Variants in DOK5 observed in about 807,000 individuals in gnomAD.
DOK5 encodes the protein downstream of tyrosine kinase 5.
DOK5 carries 27 observed loss-of-function variants against 43.3 expected under a neutral mutation model. That is an observed-to-expected ratio of 0.62 (90% CI 0.46 to 0.86). The LOEUF (loss-of-function observed/expected upper bound fraction) is 0.86. Among genes scored for constraint, DOK5 ranks in the 40% least tolerant of loss-of-function variants. The probability of loss-of-function intolerance (pLI) is 0.00; values close to 1 mark genes in which losing one functional copy is unlikely to be tolerated. For synonymous variants in DOK5, 146 were observed against 140.1 expected (o/e 1.04, Z -0.30); for missense variants, 373 against 392.9 (o/e 0.95, Z 0.43).
At position 54,563,664 on chromosome 20, in the gene DOK5, GTTTTTTTT is replaced by G. The variant is rs76886127; in HGVS notation, c.174+8639_174+8646del. Reference sequence around the variant, plus strand: ...TGCTTTTCTCTTCTCTATTTGTCAGGTTTTTTTTTTTTTTTTTTTTTTACTTTCATGTT... The same window carrying G: ...TGCTTTTCTCTTCTCTATTTGTCAGGTTTTTTTTTTTTTTACTTTCATGTT... On this transcript the variant is annotated intron_variant, in intron 2 of 7. Coordinates refer to ENST00000262593, the MANE Select transcript of DOK5 (RefSeq NM_018431.5). 1.8e-4 allele frequency among the ~76,000 whole-genome samples: 21 copies of G among 114,354 alleles called. 1 individual carries two copies. Among genetic ancestry groups the G allele is most frequent in the Non-Finnish European group, 1.8e-5 (1 of 55,960 alleles). The allele number at this position is 114,354 out of a possible 152,430, so 75.0% of individuals were successfully genotyped here.
At chr20:54,499,663 G>A (rs956121181) in intron 1 of DOK5, among the ~76,000 whole-genome samples, 3 of 152,188 alleles carry the variant, frequency 2.0e-5, no homozygotes, top group Non-Finnish European at 4.4e-5. Flanking sequence ...CATTAGTAAG[G>A]TTAAGACACA....
At chr20:54,529,956 G>T (rs951987316) in intron 1 of DOK5, among the ~76,000 whole-genome samples, 2 of 152,268 alleles carry the variant, frequency 1.3e-5, no homozygotes, top group South Asian at 4.1e-4. Context: ...ACCACATTTT[G>T]TTTATCTATT....
intron 1 of DOK5, among the ~76,000 whole-genome samples, chr20:54,510,048 C>T (rs1292467428): frequency 6.6e-6 from 1 of 152,066 alleles, no homozygotes; most frequent in Non-Finnish European, 1.5e-5. Context: ...TAGCAAACCA[C>T]CATGGCACAC....
rs970838435 is a variant in DOK5 at position 54,609,833 on chromosome 20, GA to G, written c.600-546del. On this transcript the variant is annotated intron_variant, in intron 5 of 7. Coordinates refer to ENST00000262593, the MANE Select transcript of DOK5 (RefSeq NM_018431.5). ...TTAATTCAGCACAGTCATGCTCATT[GA>G]AAAAAAAATTAACTGCATTTGATCC... Among the ~76,000 whole-genome samples the G allele has an allele frequency of 5.3e-5, 8 of 151,356 alleles. No homozygotes were observed. The East Asian group carries it at 7.7e-4, about 15-fold the overall frequency.
intron 7 of DOK5, among the ~76,000 whole-genome samples, chr20:54,646,892 CT>C (rs11483952): frequency 0.19 from 25,598 of 137,942 alleles, 5,684 homozygotes; most frequent in African/African-American, 0.54. Flanking sequence ...GAATTTCAGG[CT>C]TTTTTTTTTT....
At position 54,650,587 on chromosome 20, in the gene DOK5, A is replaced by T; in HGVS notation, c.*108A>T. The T allele has an allele frequency of 2.0e-6, 2 of 1,023,742 alleles. No individual in the cohort carries two copies. Among genetic ancestry groups the T allele is most frequent in the South Asian group, 2.9e-5 (2 of 70,154 alleles). The allele number at this position is 1,023,742 out of a possible 1,614,324, so 63.4% of individuals were successfully genotyped here. Reference sequence around the variant, plus strand: ...AAATGACGACCAAGAGAAGAAGCTTAAAGTCCTGGCTAATTGTGTGGTCAT... The same window carrying T: ...AAATGACGACCAAGAGAAGAAGCTTTAAGTCCTGGCTAATTGTGTGGTCAT... On this transcript the variant is annotated 3_prime_UTR_variant, in exon 8 of 8. Transcript: ENST00000262593.
chr20:54,492,686 T>TTGTGTGTG (rs34741362), intron 1 of DOK5, among the ~76,000 whole-genome samples: 2,859 of 141,146 alleles, frequency 0.02, 109 homozygotes, highest in African/African-American at 0.069. Flanking sequence ...GAGTGTGGCT[T>TTGTGTGTG]TGTGTGTGTG....
chr20:54,643,233 A>G (rs1979210074), intron 6 of DOK5, among the ~76,000 whole-genome samples: 1 of 152,198 alleles, frequency 6.6e-6, no homozygotes, highest in Admixed American at 6.5e-5. Flanking sequence ...AAGTTCCCCA[A>G]AGGAACGTCA....
intron 4 of DOK5, among the ~76,000 whole-genome samples, chr20:54,590,541 T>C (rs1985947121): frequency 6.6e-6 from 1 of 152,130 alleles, no homozygotes; most frequent in Non-Finnish European, 1.5e-5. Context: ...TCAATTAGAA[T>C]ACATTTTTAA....
chr20:54,541,959 G>T lies in DOK5; in HGVS notation c.67-12974G>T, dbSNP rs367611705. On this transcript the variant is annotated intron_variant, in intron 1 of 7. Coordinates refer to ENST00000262593, the MANE Select transcript of DOK5 (RefSeq NM_018431.5). ...CTTGTCTCTTTCAAGTCGTTGCTCA[G>T]ATGATACCTTCTTCATGAGAACTTC... Among the ~76,000 whole-genome samples the T allele has an allele frequency of 7.2e-5, 11 of 152,036 alleles. 1 individual carries two copies. In the South Asian group the frequency reaches 2.3e-3, roughly 32 times the overall value.
chr20:54,487,646 C>T (rs1426243219), intron 1 of DOK5, among the ~76,000 whole-genome samples: 4 of 152,056 alleles, frequency 2.6e-5, no homozygotes, highest in African/African-American at 9.7e-5. Context: ...TTACTTATAG[C>T]CGCCAAATGT....
intron 1 of DOK5, among the ~76,000 whole-genome samples, chr20:54,524,375 A>G (rs1314632086): frequency 6.6e-6 from 1 of 152,230 alleles, no homozygotes; most frequent in Admixed American, 6.5e-5. Flanking sequence ...ATTAGAATGC[A>G]ATGAACATGA....
chr20:54,487,452 A>C (rs1210420597), intron 1 of DOK5, among the ~76,000 whole-genome samples: 3 of 152,176 alleles, frequency 2.0e-5, no homozygotes, highest in Non-Finnish European at 4.4e-5. Flanking sequence ...TTTATTTAAA[A>C]AAGCAAAGTA....
chr20:54,555,154 A>G (rs1984667311), intron 2 of DOK5, 114 bp downstream of exon 2: 1 of 695,784 alleles, frequency 1.4e-6, no homozygotes, highest in Admixed American at 2.3e-5. Flanking sequence ...TATCTTTTCC[A>G]AGGACAAAAC....
chr20:54,570,185 T>A (rs1985239657), intron 2 of DOK5, among the ~76,000 whole-genome samples: 2 of 152,212 alleles, frequency 1.3e-5, no homozygotes, highest in South Asian at 4.1e-4. Context: ...CTAATAGAAA[T>A]GCTTATTAGA....
intron 2 of DOK5, among the ~76,000 whole-genome samples, chr20:54,568,406 G>A (rs1985163231): frequency 6.6e-6 from 1 of 152,204 alleles, no homozygotes; most frequent in Non-Finnish European, 1.5e-5. Flanking sequence ...TGTACATGAT[G>A]CCAAAAGGAA....
intron 2 of DOK5, among the ~76,000 whole-genome samples, chr20:54,574,666 A>C (rs990858623): frequency 2.0e-5 from 3 of 152,206 alleles, no homozygotes; most frequent in African/African-American, 7.2e-5. Flanking sequence ...AGTGAAAAGC[A>C]TTGTGGAGTA....
intron 1 of DOK5, among the ~76,000 whole-genome samples, chr20:54,527,621 T>C (rs2146702526): frequency 6.6e-6 from 1 of 152,232 alleles, no homozygotes; most frequent in Admixed American, 6.6e-5. Flanking sequence ...AAAGTAAAAC[T>C]TACTTCCCTG....
At chr20:54,595,562 C>T (rs1029978594) in intron 5 of DOK5, among the ~76,000 whole-genome samples, 3 of 152,132 alleles carry the variant, frequency 2.0e-5, no homozygotes, top group African/African-American at 4.8e-5. Context: ...CCTTTATGGT[C>T]CATCCATTTG....
Sources: gnomAD v4.1 joint callset for allele counts (sites outside exome capture counted in the v4.1 genomes callset) on GRCh38, gnomAD v4.1.1 for gene constraint, MANE v1.5 for transcripts, NCBI Gene and HGNC (gene_info 2026-07-23, HGNC 2026-07-21) for gene names.